The following KCNJ3 variants were observed in gnomAD, a reference collection of about 807,000 sequenced individuals.
KCNJ3 encodes potassium inwardly rectifying channel subfamily J member 3.
Under a neutral mutation model 39.2 loss-of-function variants are expected in KCNJ3, and 4 were observed. That is an observed-to-expected ratio of 0.10 (90% CI 0.05 to 0.23). The LOEUF (loss-of-function observed/expected upper bound fraction) is 0.23, where lower values mean the gene tolerates loss of function less well. Ranked by LOEUF, KCNJ3 falls within the 10% of genes least tolerant of loss-of-function variation. The pLI is 1.00. For synonymous variants in KCNJ3, 230 were observed against 237.4 expected, an observed-to-expected ratio of 0.97 and a Z score of 0.29; for missense variants, 276 against 634.9, an observed-to-expected ratio of 0.43 and a Z score of 6.08.
At chr2:154,807,068 T>C (rs1686925164) in intron 2 of KCNJ3, among the ~76,000 whole-genome samples, 1 of 152,178 alleles carries the variant, frequency 6.6e-6, no homozygotes, top group African/African-American at 2.4e-5. Flanking sequence ...ACATTTATTA[T>C]CACTATTTCT....
intron 2 of KCNJ3, among the ~76,000 whole-genome samples, chr2:154,788,654 G>A (rs1287198105): frequency 6.6e-6 from 1 of 151,850 alleles, no homozygotes; most frequent in Non-Finnish European, 1.5e-5. Context: ...TGTTTTGCAT[G>A]GTCATGAATT....
chr2:154,780,855 G>C (rs1419349708), intron 2 of KCNJ3, among the ~76,000 whole-genome samples: 1 of 152,102 alleles, frequency 6.6e-6, no homozygotes, highest in Non-Finnish European at 1.5e-5. Context: ...GAAGAATAAT[G>C]GCTGCCCAAA....
chr2:154,853,559 C>A (rs1687791161), intron 2 of KCNJ3, among the ~76,000 whole-genome samples: 1 of 151,940 alleles, frequency 6.6e-6, no homozygotes, highest in East Asian at 1.9e-4. Flanking sequence ...TTTTAAAATT[C>A]ATCATTATCT....
intron 2 of KCNJ3, among the ~76,000 whole-genome samples, chr2:154,757,003 G>A (rs1284242467): frequency 1.3e-5 from 2 of 151,916 alleles, no homozygotes; most frequent in African/African-American, 2.4e-5. Context: ...CAAGAAAAAT[G>A]TATAAAATAG....
chr2:154,828,548 C>A (rs1214715933), intron 2 of KCNJ3, among the ~76,000 whole-genome samples: 1 of 152,114 alleles, frequency 6.6e-6, no homozygotes, highest in Non-Finnish European at 1.5e-5. Context: ...GTATTGCATG[C>A]CTTTGGGTTT....
intron 2 of KCNJ3, among the ~76,000 whole-genome samples, chr2:154,827,905 A>G (rs546876747): frequency 6.6e-6 from 1 of 152,284 alleles, no homozygotes; most frequent in East Asian, 1.9e-4. Flanking sequence ...TCTAATGATC[A>G]AATTCTGGAA....
At chr2:154,781,866 A>G (rs1686445198) in intron 2 of KCNJ3, among the ~76,000 whole-genome samples, 1 of 152,240 alleles carries the variant, frequency 6.6e-6, no homozygotes, top group Non-Finnish European at 1.5e-5. Context: ...GGGGCTCAAT[A>G]GAGCCCTAAG....
chr2:154,735,102 T>TGTGTGTGTGTGTGTGTG (rs746877275), intron 2 of KCNJ3, among the ~76,000 whole-genome samples: 13 of 151,886 alleles, frequency 8.6e-5, no homozygotes, highest in East Asian at 3.9e-4. Flanking sequence ...TGTGTGTGTG[T>TGTGTGTGTGTGTGTGTG]TTGAGACGGA....
At chr2:154,799,138 T>G (rs1686767767) in intron 2 of KCNJ3, among the ~76,000 whole-genome samples, 1 of 152,196 alleles carries the variant, frequency 6.6e-6, no homozygotes, top group Non-Finnish European at 1.5e-5. Context: ...TTTGTTTGTT[T>G]GTTTTTTGTT....
intron 1 of KCNJ3, among the ~76,000 whole-genome samples, chr2:154,703,188 A>G (rs1684939766): frequency 6.6e-6 from 1 of 152,054 alleles, no homozygotes; most frequent in Non-Finnish European, 1.5e-5. Context: ...GCCATCATAT[A>G]TATGGTTATA....
chr2:154,786,313 A>G (rs1686528401), intron 2 of KCNJ3, among the ~76,000 whole-genome samples: 1 of 152,200 alleles, frequency 6.6e-6, no homozygotes, highest in Non-Finnish European at 1.5e-5. Flanking sequence ...AATTATAAAC[A>G]TCTCTTTCTA....
rs143307046 is a variant in KCNJ3 at position 154,846,378 on chromosome 2, C to A, written c.920-8349C>A. Among the ~76,000 whole-genome samples the A allele has an allele frequency of 2.8e-3, 429 of 152,248 alleles. 4 individuals are homozygous for A. Among genetic ancestry groups the A allele is most frequent in the African/African-American group, 0.01 (422 of 41,548 alleles). ...TTTAATTAATTGGAACCTTAATAATCATGACTGATAATAGTGATCAGTGAT... is the reference window on the plus strand; with the variant it reads ...TTTAATTAATTGGAACCTTAATAATAATGACTGATAATAGTGATCAGTGAT... On this transcript the variant is annotated intron_variant, in intron 2 of 2. Coordinates refer to ENST00000295101, the MANE Select transcript of KCNJ3 (RefSeq NM_002239.4).
chr2:154,713,601 A>G (rs531717747), intron 2 of KCNJ3, among the ~76,000 whole-genome samples: 14 of 152,296 alleles, frequency 9.2e-5, no homozygotes, highest in African/African-American at 3.4e-4. Flanking sequence ...CATTGATCAG[A>G]CACAGGTTTG....
At chr2:154,824,290 C>A (rs1013051396) in intron 2 of KCNJ3, among the ~76,000 whole-genome samples, 5 of 152,024 alleles carry the variant, frequency 3.3e-5, no homozygotes, top group East Asian at 1.9e-4. Flanking sequence ...AAGCTGTGAT[C>A]GCGCCACTGC....
At chr2:154,765,932 G>A (rs1686125612) in intron 2 of KCNJ3, among the ~76,000 whole-genome samples, 2 of 152,162 alleles carry the variant, frequency 1.3e-5, no homozygotes, top group African/African-American at 2.4e-5. Context: ...CAAGGGTAGT[G>A]ATATTTAGTC....
chr2:154,768,411 C>G (rs1006839441), intron 2 of KCNJ3, among the ~76,000 whole-genome samples: 4 of 152,190 alleles, frequency 2.6e-5, no homozygotes, highest in South Asian at 2.1e-4. Flanking sequence ...ATATGGCTAG[C>G]CAGTTTTCCC....
At chr2:154,825,591 T>G (rs2105114015) in intron 2 of KCNJ3, among the ~76,000 whole-genome samples, 1 of 147,456 alleles carries the variant, frequency 6.8e-6, no homozygotes, top group Non-Finnish European at 1.5e-5. Flanking sequence ...TTTATTATTT[T>G]TTGAGACAAG....
At chr2:154,819,909 G>C (rs953203408) in intron 2 of KCNJ3, among the ~76,000 whole-genome samples, 5 of 113,442 alleles carry the variant, frequency 4.4e-5, no homozygotes, top group African/African-American at 1.4e-4. Context: ...TTTCCAGATT[G>C]GCAAAAAAAA....
chr2:154,748,570 C>T (rs1455309065), intron 2 of KCNJ3, among the ~76,000 whole-genome samples: 1 of 151,952 alleles, frequency 6.6e-6, no homozygotes, highest in Non-Finnish European at 1.5e-5. Flanking sequence ...TGCCTTGGAA[C>T]CAAACTCATC....
Sources: gnomAD v4.1 joint callset for allele counts (sites outside exome capture counted in the v4.1 genomes callset) on GRCh38, gnomAD v4.1.1 for gene constraint, MANE v1.5 for transcripts, NCBI Gene and HGNC (gene_info 2026-07-23, HGNC 2026-07-21) for gene names.